Variants in MAP2K1 observed in about 807,000 individuals in gnomAD.
MAP2K1 encodes the protein mitogen-activated protein kinase kinase 1, also known as dual specificity mitogen-activated protein kinase kinase 1.
MAP2K1 carries 16 observed loss-of-function variants against 46.3 expected under a neutral mutation model. The observed-to-expected ratio is 0.35, with a 90% CI of 0.23 to 0.52. The LOEUF is 0.52. Among genes scored for constraint, MAP2K1 ranks in the 20% least tolerant of loss-of-function variants. The probability of loss-of-function intolerance (pLI) is 0.94; values close to 1 mark genes in which losing one functional copy is unlikely to be tolerated. For synonymous variants in MAP2K1, 183 were observed against 185.6 expected (o/e 0.99, Z 0.11); for missense variants, 263 against 497.1 (o/e 0.53, Z 4.48).
At chr15:66,423,398 C>G (rs963656143) in intron 1 of MAP2K1, among the ~76,000 whole-genome samples, 3 of 151,646 alleles carry the variant, frequency 2.0e-5, no homozygotes, top group Admixed American at 1.3e-4. Flanking sequence ...TTGTTCCCCC[C>G]CATCCCACTT....
intron 8 of MAP2K1, chr15:66,488,981 G>T: frequency 3.3e-6 from 2 of 598,886 alleles, no homozygotes; most frequent in South Asian, 3.9e-5. Flanking sequence ...ACTTGACTTG[G>T]TCCCAATTCT....
rs1286936831 is a variant in MAP2K1 at position 66,420,859 on chromosome 15, GTA to G, written c.81-14160_81-14159del. ...TATATATGTGTGTATATATATGTGT[GTA>G]TATATATGTGTGTATATATATGTGT... On this transcript the variant is annotated intron_variant, in intron 1 of 10. Transcript: ENST00000307102. Among the ~76,000 whole-genome samples the G allele has an allele frequency of 3.7e-3, 393 of 104,930 alleles. 48 individuals carry two copies. The highest frequency in any genetic ancestry group is 0.012 in the African/African-American group (349 of 29,960). 68.8% of individuals were successfully genotyped at this position (104,930 alleles called of 152,430 possible).
At chr15:66,404,685 C>T (rs1435380463) in intron 1 of MAP2K1, among the ~76,000 whole-genome samples, 1 of 152,148 alleles carries the variant, frequency 6.6e-6, no homozygotes, top group Non-Finnish European at 1.5e-5. Context: ...ACAGGTGTTT[C>T]GGTTACGTTG....
intron 1 of MAP2K1, among the ~76,000 whole-genome samples, chr15:66,396,471 T>C (rs1454956557): frequency 2.6e-5 from 4 of 151,926 alleles, no homozygotes; most frequent in East Asian, 1.9e-4. Flanking sequence ...GATTTCACCA[T>C]GTTGGTCAGG....
intron 1 of MAP2K1, among the ~76,000 whole-genome samples, chr15:66,400,458 A>G (rs1264447185): frequency 1.3e-5 from 2 of 152,252 alleles, no homozygotes; most frequent in Non-Finnish European, 2.9e-5. Context: ...AAGCAAATCC[A>G]GAGAACACAG....
At chr15:66,418,217 G>A (rs1216850548) in intron 1 of MAP2K1, among the ~76,000 whole-genome samples, 1 of 152,116 alleles carries the variant, frequency 6.6e-6, no homozygotes, top group Non-Finnish European at 1.5e-5. Context: ...AGTCATTTGC[G>A]GCCTATGACC....
At chr15:66,454,130 G>C (rs1892105101) in intron 5 of MAP2K1, among the ~76,000 whole-genome samples, 1 of 152,184 alleles carries the variant, frequency 6.6e-6, no homozygotes, top group African/African-American at 2.4e-5. Context: ...TAGCAAGAGG[G>C]GGTAAACCCT....
At chr15:66,459,316 A>G (rs1255602287) in intron 5 of MAP2K1, among the ~76,000 whole-genome samples, 2 of 143,304 alleles carry the variant, frequency 1.4e-5, no homozygotes, top group Admixed American at 7.0e-5. Flanking sequence ...TCTCAAAAAA[A>G]AAAAAAAAAA....
chr15:66,398,671 A>T (rs532908851), intron 1 of MAP2K1, among the ~76,000 whole-genome samples: 1 of 152,312 alleles, frequency 6.6e-6, no homozygotes, highest in South Asian at 2.1e-4. Context: ...ACAGAAAAAA[A>T]AATGTACTGC....
At position 66,439,107 on chromosome 15, in the gene MAP2K1, A is replaced by G. The variant is rs149546339; in HGVS notation, c.438+2215A>G. The stretch of plus-strand genomic sequence containing the variant: ...CTTATTCCTGAGCAGGTCCTGTTGC[A>G]GGAAAGGCCCTGCCCTGGCTTCCTC... On this transcript the variant is annotated intron_variant, in intron 3 of 10. Transcript: ENST00000307102. Among the ~76,000 whole-genome samples the G allele has an allele frequency of 1.5e-3, 226 of 152,258 alleles. 1 individual carries two copies. The highest frequency in any genetic ancestry group is 5.2e-3 in the African/African-American group (217 of 41,550).
chr15:66,419,586 C>T (rs745464896), intron 1 of MAP2K1, among the ~76,000 whole-genome samples: 21 of 152,076 alleles, frequency 1.4e-4, no homozygotes, highest in Non-Finnish European at 2.6e-4. Flanking sequence ...CAGAAGGAAC[C>T]ATAGGCTGTC....
rs767978536 is a variant in MAP2K1 at position 66,432,061 on chromosome 15, T to C, written c.81-2966T>C. 7.4e-4 allele frequency among the ~76,000 whole-genome samples: 113 copies of C among 152,166 alleles called. 1 individual carries two copies. The highest frequency in any genetic ancestry group is 1.2e-3 in the Non-Finnish European group (83 of 68,024). On this transcript the variant is annotated intron_variant, in intron 1 of 10. Transcript: ENST00000307102. ...TATGTCTGCATAGTATTCCATGATA[T>C]ATAGAGGAGAAATCTGAAATGTGGC...
intron 5 of MAP2K1, among the ~76,000 whole-genome samples, chr15:66,473,097 G>T (rs1277794452): frequency 6.6e-6 from 1 of 152,162 alleles, no homozygotes; most frequent in African/African-American, 2.4e-5. Flanking sequence ...GTGGTTGATT[G>T]GGTTTGTGAT....
rs2140579627 is a variant in MAP2K1, at chr15:66,435,175, G to A, written c.229G>A (p.Gly77Ser). Residue 77 changes from glycine (G) to serine (S), a missense_variant, in exon 2 of 11, where the codon GGC becomes AGC. Around this residue, in one of 4 missense-constraint regions of MAP2K1, gnomAD observed 103 missense variants for 221.6 expected, o/e 0.46. Coordinates refer to ENST00000307102, the MANE Select transcript of MAP2K1 (RefSeq NM_002755.4). ...TGAGAAGATCAGTGAGCTGGGGGCT[G>A]GCAATGGCGGTGTGGTGTTCAAGGT... The part of the protein sequence containing the change: ...DFEKISELGA[G>S]NGGVVFKVSH... 1 of 1,614,094 alleles carries A rather than the reference G, an allele frequency of 6.2e-7. No individual in the cohort carries two copies. The highest frequency in any genetic ancestry group is 8.5e-7 in the Non-Finnish European group (1 of 1,179,996).
chr15:66,432,063 T>G (rs2093476346), intron 1 of MAP2K1, among the ~76,000 whole-genome samples: 1 of 152,212 alleles, frequency 6.6e-6, no homozygotes, highest in Non-Finnish European at 1.5e-5. Context: ...CCATGATATA[T>G]AGAGGAGAAA....
intron 1 of MAP2K1, among the ~76,000 whole-genome samples, chr15:66,406,523 C>T (rs919260146): frequency 2.6e-5 from 4 of 152,068 alleles, no homozygotes; most frequent in Non-Finnish European, 5.9e-5. Context: ...TGTTTGATTT[C>T]GGTATAACTA....
chr15:66,422,392 A>G (rs1369096252), intron 1 of MAP2K1, among the ~76,000 whole-genome samples: 1 of 152,234 alleles, frequency 6.6e-6, no homozygotes, highest in African/African-American at 2.4e-5. Flanking sequence ...CCTGTAAGGC[A>G]ATAATCATGA....
intron 1 of MAP2K1, among the ~76,000 whole-genome samples, chr15:66,407,612 A>G (rs544157211): frequency 6.6e-6 from 1 of 152,356 alleles, no homozygotes; most frequent in South Asian, 2.1e-4. Context: ...TCACGCAAGT[A>G]GAGATTACAT....
intron 1 of MAP2K1, among the ~76,000 whole-genome samples, chr15:66,407,271 A>G (rs1265096615): frequency 6.6e-6 from 1 of 152,222 alleles, no homozygotes; most frequent in Admixed American, 6.5e-5. Flanking sequence ...CCAGCAGTGC[A>G]GTGAAAAGCC....
Sources: gnomAD v4.1 joint callset for allele counts (sites outside exome capture counted in the v4.1 genomes callset) on GRCh38, gnomAD v4.1.1 for gene constraint, gnomAD v4.1.1 regional missense constraint, MANE v1.5 for transcripts, NCBI Gene and HGNC (gene_info 2026-07-23, HGNC 2026-07-21) for gene names.